PPFIBP1: variants seen among roughly 807,000 people sequenced by gnomAD.
PPFIBP1 encodes the protein PPFIB scaffold protein 1, also known as liprin-beta-1.
PPFIBP1 carries 112 observed loss-of-function variants against 137.8 expected under a neutral mutation model. That is an observed-to-expected ratio of 0.81 (90% CI 0.70 to 0.95). PPFIBP1 has a LOEUF of 0.95. Among genes scored for constraint, PPFIBP1 ranks in the 40% least tolerant of loss-of-function variants. The probability of loss-of-function intolerance (pLI) is 0.00; values close to 1 mark genes in which losing one functional copy is unlikely to be tolerated. For missense variants in PPFIBP1, 1,083 were observed against 1,196.6 expected (o/e 0.91, Z 1.40); for synonymous variants, 378 against 417.3 (o/e 0.91, Z 1.15).
chr12:27,675,547 G>C (rs1029026284), intron 17 of PPFIBP1, among the ~76,000 whole-genome samples: 7 of 152,072 alleles, frequency 4.6e-5, no homozygotes, highest in Non-Finnish European at 5.9e-5. Context: ...ATAGAGAAAT[G>C]AAAACAAGAA....
intron 13 of PPFIBP1, among the ~76,000 whole-genome samples, 159 bp from the exon 14 acceptor site, chr12:27,671,272 A>C (rs1197463271): frequency 6.6e-6 from 1 of 152,248 alleles, no homozygotes; most frequent in Admixed American, 6.5e-5. Flanking sequence ...TACTCCTTCT[A>C]TATAGATGTT....
At chr12:27,593,771 C>G (rs2052832007) in intron 2 of PPFIBP1, 2 of 788,352 alleles carry the variant, frequency 2.5e-6, no homozygotes, top group African/African-American at 1.8e-5. Flanking sequence ...TGTCCCAGGC[C>G]AGGAAGATGT....
intron 24 of PPFIBP1, among the ~76,000 whole-genome samples, chr12:27,685,070 G>C (rs1593375171): frequency 1.3e-5 from 2 of 152,014 alleles, no homozygotes; most frequent in Admixed American, 1.3e-4. Flanking sequence ...AAATTTTCCA[G>C]GGTCATTTAC....
chr12:27,642,064 G>A (rs563829741), intron 4 of PPFIBP1, among the ~76,000 whole-genome samples: 22 of 152,312 alleles, frequency 1.4e-4, no homozygotes, highest in African/African-American at 5.1e-4. Context: ...GTAGAGTCAG[G>A]GAATTCGTTT....
chr12:27,630,534 A>G (rs530667496), intron 2 of PPFIBP1, among the ~76,000 whole-genome samples: 17 of 152,300 alleles, frequency 1.1e-4, no homozygotes, highest in African/African-American at 3.8e-4. Context: ...ACAGCACATA[A>G]TTAGGACTTA....
At chr12:27,551,511 C>A (rs919344485) in intron 1 of PPFIBP1, among the ~76,000 whole-genome samples, 4 of 152,010 alleles carry the variant, frequency 2.6e-5, no homozygotes, top group Non-Finnish European at 4.4e-5. Flanking sequence ...TTGCTGAGAA[C>A]CAGAATGATG....
intron 1 of PPFIBP1, among the ~76,000 whole-genome samples, chr12:27,557,425 TG>T (rs2048790037): frequency 6.6e-6 from 1 of 151,978 alleles, no homozygotes. Flanking sequence ...TTAGTAGAGA[TG>T]GGGTTTCACC....
intron 1 of PPFIBP1, among the ~76,000 whole-genome samples, chr12:27,543,880 C>CCCT (rs1565736990): frequency 1.0e-4 from 11 of 105,788 alleles, no homozygotes; most frequent in Admixed American, 2.3e-4. Flanking sequence ...CCCGCCCCTG[C>CCCT]TTTTTTTTTT....
At chr12:27,585,741 GGA>G (rs1392560690) in intron 2 of PPFIBP1, among the ~76,000 whole-genome samples, 1 of 152,172 alleles carries the variant, frequency 6.6e-6, no homozygotes, top group Non-Finnish European at 1.5e-5. Context: ...GTTCTACGGA[GGA>G]GCTTCAATAT....
intron 4 of PPFIBP1, among the ~76,000 whole-genome samples, chr12:27,644,384 T>C (rs1430584491): frequency 1.3e-5 from 2 of 151,948 alleles, no homozygotes; most frequent in Non-Finnish European, 2.9e-5. Flanking sequence ...CTTGGCCAGT[T>C]TTACTTTTTG....
intron 3 of PPFIBP1, among the ~76,000 whole-genome samples, chr12:27,634,125 G>A (rs916984184): frequency 2.0e-5 from 3 of 147,196 alleles, no homozygotes; most frequent in Admixed American, 1.4e-4. Context: ...GTGAGCCACC[G>A]TACCCGGCCA....
At chr12:27,602,518 C>G (rs1386511906) in intron 2 of PPFIBP1, among the ~76,000 whole-genome samples, 14 of 152,206 alleles carry the variant, frequency 9.2e-5, no homozygotes, top group Non-Finnish European at 1.9e-4. Flanking sequence ...ACTTCAAGGT[C>G]TGAGGGCACC....
At position 27,682,677 on chromosome 12, in the gene PPFIBP1, G is replaced by A. The variant is rs1356725110; in HGVS notation, c.2221G>A (p.Gly741Ser). 6.2e-7 allele frequency: 1 copy of A among 1,614,134 alleles called. No individual in the cohort carries two copies. Among genetic ancestry groups the A allele is most frequent in the Non-Finnish European group, 8.5e-7 (1 of 1,180,016 alleles). The change falls in exon 24 of 30, where the codon GGT (glycine) becomes AGT (serine). Residue 741 changes from glycine (G) to serine (S), a missense_variant. Gly to Ser is a moderately conservative substitution (Grantham distance 56). Coordinates refer to ENST00000228425, the MANE Select transcript of PPFIBP1 (RefSeq NM_003622.4). The part of the protein sequence containing the change: ...KTQFDEGRVD[G>S]RMLHYMTVDD... ...CCAGTTTGATGAAGGACGGGTTGAT[G>A]GTCGAATGCTACATTACATGACTGT...
At chr12:27,562,215 T>A (rs1288944027) in intron 1 of PPFIBP1, among the ~76,000 whole-genome samples, 1 of 152,126 alleles carries the variant, frequency 6.6e-6, no homozygotes, top group Non-Finnish European at 1.5e-5. Flanking sequence ...TATTGCTATA[T>A]CCTCAGCAAC....
Position 27,689,044 on chromosome 12 carries a change from A to C in PPFIBP1, c.2526A>C (p.Thr842=). Residue 842 remains threonine, a synonymous_variant, in exon 27 of 30, where the codon ACA becomes ACC. Transcript: ENST00000228425. ...MVLEPRFNVE[T]MAQLLNIPPN... ...TAGAGCCTCGTTTTAACGTAGAAAC[A>C]ATGGCTCAGTTATTGAACATCCCAC... 1 of 1,613,782 alleles carries C rather than the reference A, an allele frequency of 6.2e-7. No homozygotes were observed. Among genetic ancestry groups the C allele is most frequent in the Non-Finnish European group, 8.5e-7 (1 of 1,179,928 alleles).
intron 27 of PPFIBP1, 78 bp from the exon 28 acceptor site, chr12:27,691,671 A>G: frequency 8.0e-7 from 1 of 1,256,574 alleles, no homozygotes; most frequent in South Asian, 1.5e-5. Flanking sequence ...ACGCAAAAAA[A>G]AATCACATGT....
intron 5 of PPFIBP1, among the ~76,000 whole-genome samples, chr12:27,647,152 C>G (rs1476457085): frequency 6.6e-6 from 1 of 152,168 alleles, no homozygotes; most frequent in Non-Finnish European, 1.5e-5. Flanking sequence ...CAGGCACATG[C>G]CCCCACAGCC....
intron 8 of PPFIBP1, among the ~76,000 whole-genome samples, chr12:27,655,533 G>T (rs1283571436): frequency 1.3e-5 from 2 of 152,192 alleles, no homozygotes; most frequent in Non-Finnish European, 2.9e-5. Flanking sequence ...GCTTGTGAAA[G>T]AATTCTGTTT....
At chr12:27,547,451 C>A (rs1016875147) in intron 1 of PPFIBP1, 2 of 152,172 alleles carry the variant, frequency 1.3e-5, no homozygotes, top group Non-Finnish European at 1.5e-5. Context: ...TCTGAAGGAG[C>A]CTGTGACTTC....
Sources: gnomAD v4.1 joint callset for allele counts (sites outside exome capture counted in the v4.1 genomes callset) on GRCh38, gnomAD v4.1.1 for gene constraint, MANE v1.5 for transcripts, NCBI Gene and HGNC (gene_info 2026-07-23, HGNC 2026-07-21) for gene names.